The following EVC variants were observed in gnomAD, a reference collection of about 807,000 sequenced individuals.
EVC encodes the protein EvC ciliary complex subunit 1, also known as evC complex member EVC.
A neutral mutation model predicts 118.9 loss-of-function variants in EVC; 116 were observed. The ratio of observed to expected loss-of-function variants is 0.98; its 90% CI spans 0.84 to 1.14. The LOEUF is 1.14. Among genes scored for constraint, EVC ranks in the 50% most tolerant of loss-of-function variants. The probability of loss-of-function intolerance (pLI) is 0.00; values close to 1 mark genes in which losing one functional copy is unlikely to be tolerated. For synonymous variants in EVC, 619 were observed against 534.7 expected (o/e 1.16, Z -2.18); for missense variants, 1,401 against 1,246.4 (o/e 1.12, Z -1.87).
chr4:5,751,905 C>A (rs983295362), intron 8 of EVC, among the ~76,000 whole-genome samples: 1 of 152,170 alleles, frequency 6.6e-6, no homozygotes, highest in Non-Finnish European at 1.5e-5. Flanking sequence ...GTGTGCAGGA[C>A]AGGGCCCCAC....
Position 5,753,874 on chromosome 4 carries a change from G to A in EVC, c.1405G>A (p.Glu469Lys), listed in dbSNP as rs1448031323. 1.2e-6 allele frequency: 2 copies of A among 1,613,996 alleles called. No individual in the cohort carries two copies. The highest frequency in any genetic ancestry group is 1.1e-5 in the South Asian group (1 of 91,066). Residue 469 changes from glutamate (E) to lysine (K), a missense_variant, in exon 10 of 21, where the codon GAA (glutamate) becomes AAA (lysine). Glu to Lys is a moderately conservative substitution (Grantham distance 56, BLOSUM62 1). Coordinates refer to ENST00000264956, the MANE Select transcript of EVC (RefSeq NM_153717.3). The part of the protein sequence containing the change: ...TAKLTLAQEE[E>K]QRSFLAEAQP... Reference sequence around the variant, plus strand: ...AAAACTCACGCTGGCCCAAGAGGAGGAACAGAGAAGCTTCCTGGCTGAGGC... The same window carrying A: ...AAAACTCACGCTGGCCCAAGAGGAGAAACAGAGAAGCTTCCTGGCTGAGGC...
chr4:5,758,911 T>A (rs2152109727), intron 11 of EVC, among the ~76,000 whole-genome samples: 1 of 152,290 alleles, frequency 6.6e-6, no homozygotes, highest in South Asian at 2.1e-4. Flanking sequence ...AGAAAGAATG[T>A]TCTGAAAGTT....
At chr4:5,827,987 C>T in the EVC span, 1 of 960,276 alleles carries the variant, frequency 1.0e-6, no homozygotes, top group East Asian at 1.2e-4. Context: ...AACGACAGGG[C>T]AGAAACGTCA....
downstream of EVC, among the ~76,000 whole-genome samples, chr4:5,817,424 G>A (rs1281472149): frequency 1.3e-5 from 2 of 152,206 alleles, no homozygotes; most frequent in Non-Finnish European, 2.9e-5. Flanking sequence ...GATGGACTCT[G>A]GACGCACAGC....
chr4:5,768,742 A>G (rs1265633994), intron 11 of EVC, among the ~76,000 whole-genome samples: 1 of 151,756 alleles, frequency 6.6e-6, no homozygotes, highest in South Asian at 2.1e-4. Flanking sequence ...CTGTTATCCC[A>G]GCTACTCGGG....
chr4:5,766,730 C>A (rs1732923025), intron 11 of EVC, among the ~76,000 whole-genome samples: 1 of 132,560 alleles, frequency 7.5e-6, no homozygotes, highest in Non-Finnish European at 1.6e-5. Context: ...TCACGTAGTT[C>A]TCGAGCCTTG....
At chr4:5,771,258 T>C (rs1168182840) in intron 11 of EVC, among the ~76,000 whole-genome samples, 2 of 152,150 alleles carry the variant, frequency 1.3e-5, no homozygotes, top group Non-Finnish European at 2.9e-5. Context: ...AACAGTTTTC[T>C]TGACTTTTCC....
chr4:5,803,207 G>C (rs904169765), intron 16 of EVC, among the ~76,000 whole-genome samples: 2 of 152,214 alleles, frequency 1.3e-5, no homozygotes, highest in Non-Finnish European at 2.9e-5. Context: ...CTTCTGAGTA[G>C]GTGGGATTCC....
chr4:5,807,593 G>C (rs553835318), intron 17 of EVC, among the ~76,000 whole-genome samples: 1 of 152,192 alleles, frequency 6.6e-6, no homozygotes, highest in Admixed American at 6.5e-5. Flanking sequence ...AGAGAGGGAG[G>C]TGGGCCCTGG....
At chr4:5,780,750 A>G (rs1300735275) in intron 11 of EVC, among the ~76,000 whole-genome samples, 1 of 152,202 alleles carries the variant, frequency 6.6e-6, no homozygotes, top group Non-Finnish European at 1.5e-5. Context: ...GGGGTCCGTA[A>G]GATGACCAGG....
Position 5,743,358 on chromosome 4 carries a change from T to TA in EVC, c.801+1545dup, listed in dbSNP as rs1463760401. Among the ~76,000 whole-genome samples, 1 of 152,218 alleles carries TA rather than the reference T, an allele frequency of 6.6e-6. No individual in the cohort carries two copies. The highest frequency in any genetic ancestry group is 2.4e-5 in the African/African-American group (1 of 41,454). ...TTGTCATCATTATTCTCGTTACTAC[T>TA]ATCACCAGCCTCTTATTCATCATCC... is the stretch of plus-strand genomic sequence containing the variant. On this transcript the variant is annotated intron_variant, in intron 6 of 20. Coordinates refer to ENST00000264956, the MANE Select transcript of EVC (RefSeq NM_153717.3). This position sits in a 1 kb window ranked among gnomAD's most constrained non-coding sequence, Gnocchi z 4.7.
downstream of EVC, among the ~76,000 whole-genome samples, chr4:5,819,293 A>G (rs1718130289): frequency 6.6e-6 from 1 of 152,220 alleles, no homozygotes; most frequent in Admixed American, 6.5e-5. Context: ...GTTATGTCAC[A>G]TGGCTGGGAG....
At chr4:5,745,673 T>C (rs1560324199) in intron 7 of EVC, among the ~76,000 whole-genome samples, 1 of 152,238 alleles carries the variant, frequency 6.6e-6, no homozygotes, top group Non-Finnish European at 1.5e-5. Context: ...CTGCTAGGCA[T>C]CACTCGTGAA....
intron 2 of EVC, among the ~76,000 whole-genome samples, chr4:5,721,022 C>G (rs1251325996): frequency 2.6e-5 from 4 of 152,132 alleles, no homozygotes; most frequent in African/African-American, 9.6e-5. Flanking sequence ...GTCCATCACT[C>G]TCTCATGTGT....
rs1287737973 is a variant in EVC at position 5,736,058 on chromosome 4, C to T, written c.702+2623C>T. On this transcript the variant is annotated intron_variant, in intron 5 of 20. Coordinates refer to ENST00000264956, the MANE Select transcript of EVC (RefSeq NM_153717.3). ...AGAAGCTTAGAACTCCCTGGCTGGC[C>T]CTGAGGAGGAAGAAACTGGCTCTGG... Among the ~76,000 whole-genome samples the T allele has an allele frequency of 2.0e-5, 3 of 151,936 alleles. No individual in the cohort carries two copies. In the East Asian group the frequency reaches 5.8e-4, roughly 29 times the overall value.
chr4:5,767,037 T>G, intron 11 of EVC, among the ~76,000 whole-genome samples: 1 of 149,804 alleles, frequency 6.7e-6, no homozygotes, highest in Non-Finnish European at 1.5e-5. Context: ...TGGTTTTATC[T>G]ACTTTTGGAC....
intron 11 of EVC, among the ~76,000 whole-genome samples, chr4:5,768,984 C>A (rs1332054039): frequency 6.6e-6 from 1 of 152,138 alleles, no homozygotes; most frequent in African/African-American, 2.4e-5. Context: ...ACAGAGGCAT[C>A]ATTTTACCCC....
At chr4:5,716,552 C>A (rs549433258) in intron 1 of EVC, among the ~76,000 whole-genome samples, 2 of 152,212 alleles carry the variant, frequency 1.3e-5, no homozygotes, top group South Asian at 4.2e-4. Flanking sequence ...GGACCTCAGC[C>A]ATGGATCCTC....
chr4:5,766,399 G>A (rs6821265), intron 11 of EVC, among the ~76,000 whole-genome samples: 47,824 of 123,304 alleles, frequency 0.39, 9,945 homozygotes, highest in East Asian at 0.46. Context: ...TGCTCTTCTC[G>A]AGGAGTATCT....
Sources: allele counts gnomAD v4.1 joint callset (sites outside exome capture counted in the v4.1 genomes callset), GRCh38; gene constraint gnomAD v4.1.1; non-coding constraint Gnocchi (gnomAD v3.1); transcripts MANE v1.5; gene names NCBI Gene and HGNC (gene_info 2026-07-23, HGNC 2026-07-21).